ADGRL4: variants seen among roughly 807,000 people sequenced by gnomAD.
ADGRL4 encodes EGF, latrophilin and seven transmembrane domain containing 1.
A neutral mutation model predicts 74.8 loss-of-function variants in ADGRL4; 90 were observed. The observed-to-expected ratio is 1.20, with a 90% confidence interval of 1.02 to 1.43. The LOEUF (loss-of-function observed/expected upper bound fraction) is 1.43, where lower values mean the gene tolerates loss of function less well. Among genes scored for constraint, ADGRL4 ranks in the 40% most tolerant of loss-of-function variants. The probability of loss-of-function intolerance (pLI) is 0.00; values close to 1 mark genes in which losing one functional copy is unlikely to be tolerated. For missense variants in ADGRL4, 881 were observed against 814.3 expected (o/e 1.08, Z -1.00); for synonymous variants, 311 against 279.2 (o/e 1.11, Z -1.14).
At chr1:78,897,441 T>C (rs560970770) in intron 12 of ADGRL4, among the ~76,000 whole-genome samples, 31 of 152,276 alleles carry the variant, frequency 2.0e-4, no homozygotes, top group African/African-American at 7.5e-4. Context: ...TAAGTCAGTT[T>C]AGCAAGAATT....
intron 3 of ADGRL4, among the ~76,000 whole-genome samples, chr1:78,943,356 T>C (rs1162374136): frequency 6.6e-6 from 1 of 152,194 alleles, no homozygotes; most frequent in East Asian, 1.9e-4. Flanking sequence ...TGTGTGTAAC[T>C]AGGTTTCTCA....
intron 2 of ADGRL4, among the ~76,000 whole-genome samples, chr1:78,959,997 G>A (rs1206553765): frequency 6.6e-6 from 1 of 152,062 alleles, no homozygotes; most frequent in Non-Finnish European, 1.5e-5. Context: ...AAAAGTGTAC[G>A]CCATTCAAAA....
At chr1:78,959,669 A>G (rs1005942882) in intron 2 of ADGRL4, among the ~76,000 whole-genome samples, 2 of 152,142 alleles carry the variant, frequency 1.3e-5, no homozygotes, top group East Asian at 3.9e-4. Flanking sequence ...ATGAAATTCA[A>G]TTTGTATTTC....
Position 79,006,708 on chromosome 1 carries a change from C to G in ADGRL4, c.-54G>C. 1.4e-6 allele frequency: 2 copies of G among 1,421,074 alleles called. No homozygotes were observed. The highest frequency in any genetic ancestry group is 1.8e-6 in the Non-Finnish European group (2 of 1,089,056). 88.0% of individuals were successfully genotyped at this position (1,421,074 alleles called of 1,614,324 possible). On this transcript the variant is annotated 5_prime_UTR_variant, in exon 1 of 15. Coordinates refer to ENST00000370742, the MANE Select transcript of ADGRL4 (RefSeq NM_022159.4). ...GGAGAGCGCGGCGGAGTGAGTGCGG[C>G]TGTGGACCCGGGACCGGGCGCCGCT...
At chr1:78,937,779 T>C in intron 6 of ADGRL4, 28 bp downstream of exon 6, 1 of 1,583,366 alleles carries the variant, frequency 6.3e-7, no homozygotes, top group South Asian at 1.2e-5. Context: ...AAAACACAAT[T>C]ACTTTTAAAT....
chr1:78,977,598 G>A (rs768283613), intron 2 of ADGRL4, among the ~76,000 whole-genome samples: 12 of 151,894 alleles, frequency 7.9e-5, no homozygotes, highest in Non-Finnish European at 2.9e-5. Flanking sequence ...AAGACCATGC[G>A]AAGCTGTTGC....
At chr1:78,963,677 A>C (rs1649998960) in intron 2 of ADGRL4, among the ~76,000 whole-genome samples, 1 of 152,204 alleles carries the variant, frequency 6.6e-6, no homozygotes, top group Non-Finnish European at 1.5e-5. Flanking sequence ...TAGATCTCAC[A>C]TCATTAGTCT....
At position 78,890,263 on chromosome 1, in the gene ADGRL4, T is replaced by A. The variant is rs1237107714; in HGVS notation, c.*891A>T. 1 of 152,406 alleles carries A rather than the reference T, an allele frequency of 6.6e-6. No homozygotes were observed. Among genetic ancestry groups the A allele is most frequent in the Non-Finnish European group, 1.5e-5 (1 of 68,190 alleles). The allele number at this position is 152,406 out of a possible 1,614,324, so 9.4% of individuals were successfully genotyped here. Reference sequence around the variant, plus strand: ...ATAATAAAGGATTCAAATATACTAATGAGATAGTATAACTTTCACTTCACT... The same window carrying A: ...ATAATAAAGGATTCAAATATACTAAAGAGATAGTATAACTTTCACTTCACT... On this transcript the variant is annotated 3_prime_UTR_variant, in exon 15 of 15. Coordinates refer to ENST00000370742, the MANE Select transcript of ADGRL4 (RefSeq NM_022159.4).
intron 2 of ADGRL4, among the ~76,000 whole-genome samples, chr1:79,001,880 G>A (rs1650851496): frequency 6.6e-6 from 1 of 151,830 alleles, no homozygotes; most frequent in Non-Finnish European, 1.5e-5. Flanking sequence ...GAAAAAGCTT[G>A]GTCTCTTCTT....
intron 12 of ADGRL4, among the ~76,000 whole-genome samples, chr1:78,916,878 A>T (rs947360328): frequency 1.3e-5 from 2 of 151,904 alleles, no homozygotes; most frequent in African/African-American, 4.8e-5. Context: ...TATTATATTC[A>T]GAAAGACTGT....
intron 12 of ADGRL4, among the ~76,000 whole-genome samples, chr1:78,917,142 A>C (rs1648889125): frequency 6.6e-6 from 1 of 151,876 alleles, no homozygotes; most frequent in African/African-American, 2.4e-5. Flanking sequence ...AAAGATGATA[A>C]AACTATAAAG....
intron 12 of ADGRL4, among the ~76,000 whole-genome samples, chr1:78,902,864 T>G (rs116242237): frequency 0.013 from 1,969 of 152,194 alleles, 52 homozygotes; most frequent in African/African-American, 0.045. Flanking sequence ...TCCTCATTGT[T>G]CTCTGTGGTC....
At chr1:78,941,901 T>TA (rs943995454) in intron 3 of ADGRL4, among the ~76,000 whole-genome samples, 7 of 152,050 alleles carry the variant, frequency 4.6e-5, no homozygotes, top group African/African-American at 1.7e-4. Flanking sequence ...GGTAATATCT[T>TA]AAAAAGACAC....
At position 78,921,708 on chromosome 1, in the gene ADGRL4, C is replaced by T. The variant is rs1462184772; in HGVS notation, c.1162G>A (p.Gly388Ser). ...TCATTTGAGTATGTCAGCTCACAGCCCTCTGAAGACCAGCTGCCATTCATG... is the reference window on the plus strand; with the variant it reads ...TCATTTGAGTATGTCAGCTCACAGCTCTCTGAAGACCAGCTGCCATTCATG... ...DTMNGSWSSEGCELTYSNETH... is the reference protein window; with the variant it reads ...DTMNGSWSSESCELTYSNETH... The change falls in exon 9 of 15, where the codon GGC (glycine) becomes AGC (serine). Residue 388 changes from glycine (G) to serine (S), a missense_variant. Coordinates refer to ENST00000370742, the MANE Select transcript of ADGRL4 (RefSeq NM_022159.4). 1 of 1,603,550 alleles carries T rather than the reference C, an allele frequency of 6.2e-7. No homozygotes were observed. The highest frequency in any genetic ancestry group is 1.1e-5 in the South Asian group (1 of 90,172).
At chr1:78,949,754 A>G (rs946238672) in intron 2 of ADGRL4, among the ~76,000 whole-genome samples, 1 of 152,152 alleles carries the variant, frequency 6.6e-6, no homozygotes, top group Non-Finnish European at 1.5e-5. Context: ...ATACTACCTA[A>G]TCCCTGTAAC....
chr1:78,979,372 C>A (rs1650354990), intron 2 of ADGRL4, among the ~76,000 whole-genome samples: 2 of 151,922 alleles, frequency 1.3e-5, no homozygotes, highest in South Asian at 4.1e-4. Flanking sequence ...ACCCTGTAGT[C>A]AGTATTTCAA....
intron 12 of ADGRL4, among the ~76,000 whole-genome samples, chr1:78,898,528 G>A (rs1648446898): frequency 6.7e-6 from 1 of 148,336 alleles, no homozygotes; most frequent in African/African-American, 2.5e-5. Context: ...TTTTTTTAAC[G>A]ATTTCAGATT....
At chr1:79,005,240 C>T (rs750799618) in intron 1 of ADGRL4, 21 bp from the exon 2 acceptor site, 4 of 1,568,742 alleles carry the variant, frequency 2.5e-6, no homozygotes, top group African/African-American at 2.7e-5. Context: ...TAGAGAAATA[C>T]ACCTTTTCAA....
In ADGRL4 at chr1:78,931,918, G is replaced by T. The variant is rs972199700; in HGVS notation, c.877+4377C>A. Among the ~76,000 whole-genome samples the T allele has an allele frequency of 5.3e-5, 8 of 151,312 alleles. 1 individual carries two copies. The highest frequency in any genetic ancestry group is 1.7e-4 in the African/African-American group (7 of 40,738). On this transcript the variant is annotated intron_variant, in intron 7 of 14. Transcript: ENST00000370742. ...ATATATGCACCCGATACAGGAGCCAGATTCATAAAACAAGTTGTTAGAGAC... is the reference window on the plus strand; with the variant it reads ...ATATATGCACCCGATACAGGAGCCATATTCATAAAACAAGTTGTTAGAGAC...
Sources: gnomAD v4.1 joint callset for allele counts (sites outside exome capture counted in the v4.1 genomes callset) on GRCh38, gnomAD v4.1.1 for gene constraint, MANE v1.5 for transcripts, NCBI Gene and HGNC (gene_info 2026-07-23, HGNC 2026-07-21) for gene names.